Variants in GATA4 observed in about 807,000 individuals in gnomAD.
GATA4 encodes transcription factor GATA-4.
In GATA4, 7 loss-of-function variants were observed where a neutral mutation model predicts 37.9. That is an observed-to-expected ratio of 0.18 (90% CI 0.11 to 0.35). The LOEUF is 0.35. Ranked by LOEUF, GATA4 falls within the 10% of genes least tolerant of loss-of-function variation. The pLI, the probability that GATA4 is intolerant of heterozygous loss-of-function variation, is 1.00. For missense variants in GATA4, 647 were observed against 653.0 expected (o/e 0.99, Z 0.10); for synonymous variants, 372 against 292.6 (o/e 1.27, Z -2.77).
chr8:11,708,065 C>T lies in GATA4; in HGVS notation c.-248C>T, dbSNP rs1164760504. 5.2e-6 allele frequency: 3 copies of T among 581,118 alleles called. No individual in the cohort carries two copies. The highest frequency in any genetic ancestry group is 6.3e-6 in the Non-Finnish European group (2 of 319,968). The allele number at this position is 581,118 out of a possible 1,614,324, so 36.0% of individuals were successfully genotyped here. ...GTGAATTCAGCTGCTCCTACATCAG[C>T]TTCCGGAACCACCAAAAATTCAAAT... On this transcript the variant is annotated 5_prime_UTR_variant, in exon 2 of 7. Coordinates refer to ENST00000532059, the MANE Select transcript of GATA4 (RefSeq NM_001308093.3). This position sits in a 1 kb window ranked among gnomAD's most constrained non-coding sequence, Gnocchi z 6.7.
intron 1 of GATA4, among the ~76,000 whole-genome samples, chr8:11,683,306 A>T (rs1036693570): frequency 6.6e-6 from 1 of 152,206 alleles, no homozygotes; most frequent in Admixed American, 6.5e-5. Flanking sequence ...AGGGGGATTA[A>T]TCAGAGAGTT....
chr8:11,746,821 T>C (rs1456469370), intron 2 of GATA4, among the ~76,000 whole-genome samples: 1 of 152,180 alleles, frequency 6.6e-6, no homozygotes, highest in African/African-American at 2.4e-5. Flanking sequence ...GGTGTAAAAA[T>C]AGCCTCTGCT....
chr8:11,684,742 T>C (rs1443786092), intron 1 of GATA4, among the ~76,000 whole-genome samples: 3 of 152,242 alleles, frequency 2.0e-5, no homozygotes, highest in Non-Finnish European at 2.9e-5. Flanking sequence ...TGGATGCTAA[T>C]GTTCTCCTTG....
chr8:11,679,917 G>GTTTAATCCC (rs757343872), intron 1 of GATA4, among the ~76,000 whole-genome samples: 2 of 152,210 alleles, frequency 1.3e-5, no homozygotes, highest in Non-Finnish European at 2.9e-5. Context: ...TCCCTGTTGT[G>GTTTAATCCC]TGTCGCCGAA....
At chr8:11,689,393 A>T (rs1354828054), upstream of GATA4, among the ~76,000 whole-genome samples, 3 of 152,202 alleles carry the variant, frequency 2.0e-5, no homozygotes, top group East Asian at 3.8e-4. Flanking sequence ...GATTACCCAG[A>T]ACAGCAGCAT....
intron 1 of GATA4, among the ~76,000 whole-genome samples, chr8:11,678,977 C>T (rs1159300777): frequency 1.3e-5 from 2 of 152,124 alleles, no homozygotes; most frequent in Non-Finnish European, 2.9e-5. Flanking sequence ...ATATCCATTT[C>T]AAATAGCTTT....
chr8:11,712,244 A>G (rs981508433), intron 2 of GATA4, among the ~76,000 whole-genome samples: 18 of 152,236 alleles, frequency 1.2e-4, no homozygotes, highest in African/African-American at 3.9e-4. Flanking sequence ...TTTTCCCAGA[A>G]TGTGGGATTG....
intron 1 of GATA4, chr8:11,697,905 G>A: frequency 1.0e-6 from 1 of 985,470 alleles, no homozygotes; most frequent in African/African-American, 1.7e-5. Context: ...CCAGATCTCT[G>A]GGGGACCCAC....
intron 2 of GATA4, among the ~76,000 whole-genome samples, chr8:11,736,169 G>C (rs1237774326): frequency 1.3e-5 from 2 of 151,644 alleles, no homozygotes; most frequent in East Asian, 3.9e-4. Context: ...CCTCACAAAG[G>C]GCTGGGATTA....
upstream of GATA4, chr8:11,692,091 T>A: frequency 1.0e-6 from 1 of 980,796 alleles, no homozygotes; most frequent in Non-Finnish European, 1.2e-6. Context: ...AAAGGGAAGG[T>A]GACAGGTGAG....
At chr8:11,736,514 A>C (rs1310468518) in intron 2 of GATA4, among the ~76,000 whole-genome samples, 1 of 152,210 alleles carries the variant, frequency 6.6e-6, no homozygotes, top group Non-Finnish European at 1.5e-5. Flanking sequence ...TCACTGCATC[A>C]GGAGAGCCCT....
upstream of GATA4, among the ~76,000 whole-genome samples, chr8:11,699,974 G>T (rs75289729): frequency 1.4e-4 from 21 of 152,226 alleles, no homozygotes; most frequent in African/African-American, 5.1e-4. Flanking sequence ...GGAAAAAAAA[G>T]AACTAAGATT....
chr8:11,755,749 C>A (rs1802526954), intron 5 of GATA4, among the ~76,000 whole-genome samples: 1 of 151,494 alleles, frequency 6.6e-6, no homozygotes, highest in African/African-American at 2.4e-5. Context: ...GAATTAAAAC[C>A]CAAGTTTTTC....
At chr8:11,690,544 G>T (rs951805511), upstream of GATA4, among the ~76,000 whole-genome samples, 2 of 152,018 alleles carry the variant, frequency 1.3e-5, no homozygotes, top group African/African-American at 4.8e-5. Context: ...CTGGAATAAG[G>T]ATGGAAATTA....
At chr8:11,757,747 C>T (rs746321315) in intron 6 of GATA4, among the ~76,000 whole-genome samples, 2 of 152,222 alleles carry the variant, frequency 1.3e-5, no homozygotes, top group African/African-American at 2.4e-5. Flanking sequence ...GATGGCGTCT[C>T]GGCCTCCCTG....
chr8:11,685,192 T>C (rs1188789251), intron 1 of GATA4, among the ~76,000 whole-genome samples: 1 of 152,250 alleles, frequency 6.6e-6, no homozygotes, highest in Non-Finnish European at 1.5e-5. Context: ...TTAAATTATG[T>C]TTTCTTAAGA....
Position 11,681,356 on chromosome 8 carries a change from C to T in GATA4, c.-274+4293C>T, listed in dbSNP as rs1798964327. The T allele has an allele frequency of 7.1e-6, 7 of 985,262 alleles. No individual in the cohort carries two copies. In the South Asian group the frequency reaches 2.8e-4, roughly 40 times the overall value. The allele number at this position is 985,262 out of a possible 1,614,324, so 61.0% of individuals were successfully genotyped here. A position where few individuals can be genotyped will look rare whatever the true frequency, so the allele number is the denominator to read the frequency against. On this transcript the variant is annotated intron_variant, in intron 1 of 6. Transcript: ENST00000528712. Reference sequence around the variant, plus strand: ...CCCAACCCATCAAATTTCCAGCACTCGTCCCCCTAGGTCTCATAAAAACTC... The same window carrying T: ...CCCAACCCATCAAATTTCCAGCACTTGTCCCCCTAGGTCTCATAAAAACTC...
At chr8:11,688,850 G>C (rs1585556802), upstream of GATA4, among the ~76,000 whole-genome samples, 1 of 152,246 alleles carries the variant, frequency 6.6e-6, no homozygotes, top group Admixed American at 6.5e-5. Context: ...AACTGGTGGA[G>C]AGATGGGTGA....
intron 2 of GATA4, among the ~76,000 whole-genome samples, chr8:11,713,395 G>C (rs1800285991): frequency 1.3e-5 from 2 of 152,162 alleles, no homozygotes; most frequent in Non-Finnish European, 2.9e-5. Flanking sequence ...GCAAATATTT[G>C]CGTAGGGATC....
Sources: gnomAD v4.1 joint callset for allele counts (sites outside exome capture counted in the v4.1 genomes callset) on GRCh38, gnomAD v4.1.1 for gene constraint, Gnocchi (gnomAD v3.1) non-coding constraint, MANE v1.5 for transcripts, NCBI Gene and HGNC (gene_info 2026-07-23, HGNC 2026-07-21) for gene names.